Variants in AOAH observed in about 807,000 individuals in gnomAD.
AOAH encodes the protein acyloxyacyl hydrolase, also known as acyloxyacyl hydrolase (neutrophil).
A neutral mutation model predicts 92.2 loss-of-function variants in AOAH; 64 were observed. The observed-to-expected ratio is 0.69, with a 90% CI of 0.57 to 0.86. AOAH has a LOEUF of 0.86. Among genes scored for constraint, AOAH ranks in the 40% least tolerant of loss-of-function variants. AOAH has a pLI of 0.00. For synonymous variants in AOAH, 263 were observed against 254.5 expected, an observed-to-expected ratio of 1.03 and a Z score of -0.32; for missense variants, 656 against 694.6, an observed-to-expected ratio of 0.94 and a Z score of 0.62.
intron 1 of AOAH, among the ~76,000 whole-genome samples, chr7:36,721,778 C>T (rs551767489): frequency 5.9e-5 from 9 of 152,290 alleles, no homozygotes; most frequent in Non-Finnish European, 1.3e-4. Context: ...CCCTCTCCAT[C>T]AAAATGAAGG....
intron 1 of AOAH, among the ~76,000 whole-genome samples, chr7:36,699,380 C>A (rs1329083403): frequency 6.6e-6 from 1 of 152,014 alleles, no homozygotes; most frequent in Non-Finnish European, 1.5e-5. Context: ...AGGAACTTCC[C>A]TACTGTTTTC....
At chr7:36,550,162 C>G (rs993966435) in intron 13 of AOAH, 4 of 152,196 alleles carry the variant, frequency 2.6e-5, no homozygotes, top group African/African-American at 9.7e-5. Context: ...CGAGACCAGC[C>G]TGGCCAACAT....
chr7:36,623,806 T>TC (rs1792451694), intron 6 of AOAH, among the ~76,000 whole-genome samples: 1 of 152,172 alleles, frequency 6.6e-6, no homozygotes, highest in African/African-American at 2.4e-5. Flanking sequence ...AGGGAGGATT[T>TC]CCCCTGTGGA....
chr7:36,569,589 A>G (rs996167972), intron 13 of AOAH, among the ~76,000 whole-genome samples: 1 of 151,210 alleles, frequency 6.6e-6, no homozygotes, highest in Non-Finnish European at 1.5e-5. Flanking sequence ...CTATCTATCT[A>G]TCTATCTATC....
At chr7:36,637,507 T>C (rs1024045012) in intron 5 of AOAH, among the ~76,000 whole-genome samples, 2 of 151,910 alleles carry the variant, frequency 1.3e-5, no homozygotes, top group Non-Finnish European at 2.9e-5. Context: ...GGAGGCATTG[T>C]TGGTTGTTGT....
intron 1 of AOAH, among the ~76,000 whole-genome samples, chr7:36,713,378 G>A (rs1046740349): frequency 3.3e-5 from 5 of 151,988 alleles, no homozygotes; most frequent in African/African-American, 1.2e-4. Context: ...CAATAATAAT[G>A]GGAGACTTTA....
chr7:36,681,180 C>T (rs1329773241), intron 2 of AOAH, among the ~76,000 whole-genome samples: 2 of 152,196 alleles, frequency 1.3e-5, no homozygotes. Context: ...TGTGACTGTT[C>T]TTCACTGTTT....
At chr7:36,663,605 C>T (rs1795349634) in intron 3 of AOAH, among the ~76,000 whole-genome samples, 2 of 152,160 alleles carry the variant, frequency 1.3e-5, no homozygotes, top group African/African-American at 4.8e-5. Flanking sequence ...CACTTAGTAA[C>T]ACGCATTTAA....
intron 3 of AOAH, 95 bp downstream of exon 3, chr7:36,673,848 C>T (rs1796078218): frequency 1.2e-6 from 1 of 808,884 alleles, no homozygotes. Flanking sequence ...CCAGAAAGCG[C>T]ATCATGCTGA....
At chr7:36,603,605 T>G (rs906384432) in intron 11 of AOAH, among the ~76,000 whole-genome samples, 10 of 152,164 alleles carry the variant, frequency 6.6e-5, no homozygotes, top group African/African-American at 2.2e-4. Flanking sequence ...CCGTTTGGTC[T>G]CTGTTGTGAC....
chr7:36,658,825 C>G (rs1186321127), intron 4 of AOAH, among the ~76,000 whole-genome samples: 1 of 152,160 alleles, frequency 6.6e-6, no homozygotes, highest in Non-Finnish European at 1.5e-5. Flanking sequence ...CCTGGGCAAA[C>G]TGGCATGAGT....
At chr7:36,716,833 G>A (rs1799213062) in intron 1 of AOAH, among the ~76,000 whole-genome samples, 1 of 151,976 alleles carries the variant, frequency 6.6e-6, no homozygotes, top group African/African-American at 2.4e-5. Context: ...TGGGGTGGAG[G>A]GAGCGGGGAG....
chr7:36,633,200 C>T (rs1793260625), intron 5 of AOAH, among the ~76,000 whole-genome samples: 1 of 152,196 alleles, frequency 6.6e-6, no homozygotes, highest in South Asian at 2.1e-4. Context: ...CACAGCCTTG[C>T]TAGAGATGCA....
chr7:36,521,464 C>G (rs1430926826), intron 20 of AOAH, among the ~76,000 whole-genome samples: 1 of 152,142 alleles, frequency 6.6e-6, no homozygotes, highest in Non-Finnish European at 1.5e-5. Flanking sequence ...AGAGTCCCAC[C>G]CTCTGGCTCC....
intron 2 of AOAH, among the ~76,000 whole-genome samples, chr7:36,683,861 G>A (rs1796802313): frequency 1.3e-5 from 2 of 152,112 alleles, no homozygotes; most frequent in South Asian, 4.2e-4. Context: ...GGGTGCGGTG[G>A]TGGGCTCCAG....
intron 1 of AOAH, among the ~76,000 whole-genome samples, chr7:36,717,929 C>A (rs1161181531): frequency 6.6e-6 from 1 of 151,526 alleles, no homozygotes; most frequent in Non-Finnish European, 1.5e-5. Context: ...ACCAAAAATA[C>A]AAGAGACAAA....
At chr7:36,635,559 A>ATGAT (rs760555388) in intron 5 of AOAH, among the ~76,000 whole-genome samples, 34 of 152,122 alleles carry the variant, frequency 2.2e-4, no homozygotes, top group Non-Finnish European at 4.4e-4. Flanking sequence ...GGCTTCCCAG[A>ATGAT]TGATTCTATT....
chr7:36,687,869 G>T (rs1430501917), intron 1 of AOAH, among the ~76,000 whole-genome samples: 1 of 152,118 alleles, frequency 6.6e-6, no homozygotes, highest in Non-Finnish European at 1.5e-5. Context: ...AATAAAATTG[G>T]ACATTCCTAT....
chr7:36,626,142 GAGAGCA>G (rs1314214702), intron 6 of AOAH, among the ~76,000 whole-genome samples: 6 of 152,268 alleles, frequency 3.9e-5, no homozygotes, highest in African/African-American at 1.2e-4. Context: ...GATAAAGAAA[GAGAGCA>G]AGAGCAAGAG....
Sources: gnomAD v4.1 joint callset for allele counts (sites outside exome capture counted in the v4.1 genomes callset) on GRCh38, gnomAD v4.1.1 for gene constraint, MANE v1.5 for transcripts, NCBI Gene and HGNC (gene_info 2026-07-23, HGNC 2026-07-21) for gene names.